Variants in SUPT3H observed in about 807,000 individuals in gnomAD.
The protein encoded by SUPT3H is SPT3 homolog, SAGA and STAGA complex component.
SUPT3H carries 44 observed loss-of-function variants against 44.3 expected under a neutral mutation model. The ratio of observed to expected loss-of-function variants is 0.99; its 90% confidence interval spans 0.78 to 1.28. SUPT3H has a LOEUF of 1.28. Among genes scored for constraint, SUPT3H ranks in the 50% most tolerant of loss-of-function variants. SUPT3H has a pLI of 0.00. For missense variants in SUPT3H, 380 were observed against 387.1 expected, an observed-to-expected ratio of 0.98 and a Z score of 0.15; for synonymous variants, 124 against 125.6, an observed-to-expected ratio of 0.99 and a Z score of 0.09.
chr6:45,298,381 G>C (rs1781617570), intron 2 of SUPT3H, among the ~76,000 whole-genome samples: 1 of 152,160 alleles, frequency 6.6e-6, no homozygotes, highest in Admixed American at 6.5e-5. Flanking sequence ...AGGAGAATGG[G>C]AGGTGTATCA....
At chr6:45,377,606 C>T (rs1241388491) in intron 1 of SUPT3H, among the ~76,000 whole-genome samples, 162 bp downstream of exon 1, 2 of 152,128 alleles carry the variant, frequency 1.3e-5, no homozygotes, top group Non-Finnish European at 2.9e-5. Flanking sequence ...TTCAACACTC[C>T]GGCGTAGACC....
chr6:45,131,126 G>A (rs547422702), intron 2 of SUPT3H, among the ~76,000 whole-genome samples: 17 of 152,232 alleles, frequency 1.1e-4, no homozygotes, highest in Non-Finnish European at 1.6e-4. Context: ...TAGATCACTC[G>A]CCCTGCAAGG....
chr6:44,913,102 G>T (rs768620759), intron 10 of SUPT3H, among the ~76,000 whole-genome samples: 12 of 152,150 alleles, frequency 7.9e-5, no homozygotes, highest in Non-Finnish European at 1.8e-4. Context: ...TCAGAGAATT[G>T]CATTTCCTGA....
rs1400217654 is a variant in SUPT3H, at chr6:45,022,426, T to A, written c.187-1794A>T. Among the ~76,000 whole-genome samples the A allele has an allele frequency of 6.6e-5, 10 of 151,948 alleles. No homozygotes were observed. The South Asian group carries it at 1.7e-3, about 25-fold the overall frequency. ...CATTTGGAATCACTGTTTTTTTTTT[T>A]TTTTTTTATTTTCAGAACCAATACA... On this transcript the variant is annotated intron_variant, in intron 3 of 10. Transcript: ENST00000371459.
chr6:44,890,485 C>G (rs963379195), intron 10 of SUPT3H, among the ~76,000 whole-genome samples: 1 of 151,382 alleles, frequency 6.6e-6, no homozygotes, highest in Non-Finnish European at 1.5e-5. Context: ...TGGAAATCAT[C>G]ATTCTCAGTA....
intron 1 of SUPT3H, among the ~76,000 whole-genome samples, chr6:45,367,436 CAT>C (rs1795331034): frequency 1.3e-5 from 2 of 151,346 alleles, no homozygotes; most frequent in Non-Finnish European, 2.9e-5. Context: ...GGAAAAGAAA[CAT>C]AACCATTTGA....
intron 4 of SUPT3H, among the ~76,000 whole-genome samples, chr6:45,018,377 C>T (rs1784620886): frequency 1.3e-5 from 2 of 150,650 alleles, no homozygotes; most frequent in Admixed American, 1.3e-4. Context: ...GAACTTCCAA[C>T]ACTATGTTGA....
At chr6:45,161,375 C>T (rs1489525590) in intron 2 of SUPT3H, among the ~76,000 whole-genome samples, 1 of 152,128 alleles carries the variant, frequency 6.6e-6, no homozygotes, top group Non-Finnish European at 1.5e-5. Flanking sequence ...TATAAACTTT[C>T]AATTGACTGC....
At position 45,089,209 on chromosome 6, in the gene SUPT3H, A is replaced by T. The variant is rs1367051058; in HGVS notation, c.186+16713T>A. ...TAAAAATATATAGGTTTTTAAAAAC[A>T]TCCCATTCATTTCAAAGCATTATGA... On this transcript the variant is annotated intron_variant, in intron 3 of 10. Coordinates refer to ENST00000371459, the MANE Select transcript of SUPT3H (RefSeq NM_003599.4). 5.3e-5 allele frequency among the ~76,000 whole-genome samples: 8 copies of T among 152,102 alleles called. No homozygotes were observed. The East Asian group carries it at 1.5e-3, about 29-fold the overall frequency.
At chr6:45,356,940 G>A (rs1196103596) in intron 2 of SUPT3H, among the ~76,000 whole-genome samples, 5 of 151,970 alleles carry the variant, frequency 3.3e-5, no homozygotes, top group Non-Finnish European at 5.9e-5. Flanking sequence ...TATAATATAG[G>A]CATCAAATAT....
intron 6 of SUPT3H, among the ~76,000 whole-genome samples, chr6:44,980,450 A>AG (rs1778946445): frequency 6.6e-6 from 1 of 152,206 alleles, no homozygotes; most frequent in Admixed American, 6.6e-5. Flanking sequence ...TATTGTACTA[A>AG]GGATTCCCAT....
chr6:44,854,156 A>G (rs1773361850), intron 10 of SUPT3H, among the ~76,000 whole-genome samples: 1 of 152,178 alleles, frequency 6.6e-6, no homozygotes, highest in Non-Finnish European at 1.5e-5. Context: ...GGGCCTGAAA[A>G]TGCACATAGA....
intron 10 of SUPT3H, 22 bp from the exon 11 acceptor site, chr6:44,829,879 G>T: frequency 6.2e-7 from 1 of 1,612,122 alleles, no homozygotes; most frequent in Non-Finnish European, 8.5e-7. Context: ...AAAGAAATCT[G>T]CAATGAATTA....
chr6:45,283,712 A>G (rs749871176), intron 2 of SUPT3H, among the ~76,000 whole-genome samples: 15 of 152,056 alleles, frequency 9.9e-5, no homozygotes, highest in Non-Finnish European at 1.6e-4. Context: ...CCAGGAATTG[A>G]ACTCAGCTTT....
At chr6:45,060,664 C>A (rs540476870) in intron 3 of SUPT3H, among the ~76,000 whole-genome samples, 1 of 152,136 alleles carries the variant, frequency 6.6e-6, no homozygotes, top group East Asian at 1.9e-4. Flanking sequence ...ACAACCTAAC[C>A]TACAGAATGG....
chr6:44,906,511 C>T (rs1305117672), intron 10 of SUPT3H, among the ~76,000 whole-genome samples: 4 of 152,130 alleles, frequency 2.6e-5, no homozygotes, highest in Non-Finnish European at 4.4e-5. Context: ...TGCCTGTAAT[C>T]GCAGCGCTTT....
At chr6:44,878,466 T>G (rs1457278933) in intron 10 of SUPT3H, among the ~76,000 whole-genome samples, 1 of 151,984 alleles carries the variant, frequency 6.6e-6, no homozygotes, top group East Asian at 1.9e-4. Context: ...TTTTTTAAAC[T>G]AATGAGAGTT....
intron 2 of SUPT3H, among the ~76,000 whole-genome samples, chr6:45,160,399 G>T (rs1245320758): frequency 2.0e-5 from 3 of 152,076 alleles, no homozygotes; most frequent in Non-Finnish European, 4.4e-5. Context: ...TTGAAAATCA[G>T]TCTAAAATTA....
intron 5 of SUPT3H, among the ~76,000 whole-genome samples, chr6:45,006,052 T>G (rs1275013925): frequency 6.6e-6 from 1 of 152,106 alleles, no homozygotes; most frequent in East Asian, 1.9e-4. Flanking sequence ...TTATTATTAT[T>G]ATTACCCTTT....
Sources: gnomAD v4.1 joint callset for allele counts (sites outside exome capture counted in the v4.1 genomes callset) on GRCh38, gnomAD v4.1.1 for gene constraint, MANE v1.5 for transcripts, NCBI Gene and HGNC (gene_info 2026-07-23, HGNC 2026-07-21) for gene names.